SCML4: variants seen among roughly 807,000 people sequenced by gnomAD.
The protein encoded by SCML4 is sex comb on midleg-like protein 4.
A neutral mutation model predicts 41.1 loss-of-function variants in SCML4; 34 were observed. That is an observed-to-expected ratio of 0.83 (90% CI 0.63 to 1.10). The LOEUF (loss-of-function observed/expected upper bound fraction) is 1.10, where lower values mean the gene tolerates loss of function less well. Ranked by LOEUF, SCML4 falls within the 50% of genes least tolerant of loss-of-function variation. The probability of loss-of-function intolerance (pLI) is 0.00; values close to 1 mark genes in which losing one functional copy is unlikely to be tolerated. For missense variants in SCML4, 522 were observed against 534.1 expected (o/e 0.98, Z 0.22); for synonymous variants, 214 against 220.9 (o/e 0.97, Z 0.28).
rs748183780 is a variant in SCML4, at chr6:107,749,804, G to A, written c.166C>T (p.Arg56Trp). The change falls in exon 3 of 8, where the codon CGG (arginine) becomes TGG (tryptophan). Residue 56 changes from arginine (R) to tryptophan (W), a missense_variant. Transcript: ENST00000369020. Reference sequence around the variant, plus strand: ...AGGGCTAAGGGAGTCATGAGAACCCGAGACTTGATCTGGAAGAGAGAGCCC... The same window carrying A: ...AGGGCTAAGGGAGTCATGAGAACCCAAGACTTGATCTGGAAGAGAGAGCCC... ...GRKPGYKIKSRVLMTPLALSP... is the reference protein window; with the variant it reads ...GRKPGYKIKSWVLMTPLALSP... The A allele has an allele frequency of 1.2e-5, 20 of 1,613,924 alleles. No individual in the cohort carries two copies. Among genetic ancestry groups the A allele is most frequent in the Admixed American group, 5.0e-5 (3 of 59,994 alleles).
In SCML4 at chr6:107,801,928, C is replaced by A. The variant is rs1255885755; in HGVS notation, c.-60+22198G>T. Among the ~76,000 whole-genome samples the A allele has an allele frequency of 5.5e-5, 8 of 144,736 alleles. No homozygotes were observed. The East Asian group carries it at 1.5e-3, about 28-fold the overall frequency. 95.0% of individuals were successfully genotyped at this position (144,736 alleles called of 152,430 possible). ...TACAGACACCCGCTACCACACCTGG[C>A]TAATTTTTTTTTTTTTGTATTTTTA... On this transcript the variant is annotated intron_variant, in intron 1 of 7. Coordinates refer to ENST00000369020, the MANE Select transcript of SCML4 (RefSeq NM_198081.5).
rs766109526 is a variant in SCML4 at position 107,749,726 on chromosome 6, C to T, written c.244G>A (p.Ala82Thr). 6.2e-6 allele frequency: 10 copies of T among 1,613,792 alleles called. No individual in the cohort carries two copies. Among genetic ancestry groups the T allele is most frequent in the Non-Finnish European group, 8.5e-6 (10 of 1,179,974 alleles). Residue 82 changes from alanine to threonine, a missense_variant, in exon 3 of 8, where the codon GCA (alanine) becomes ACA (threonine). By Grantham distance (58) the Ala-to-Thr change is moderately conservative. Transcript: ENST00000369020. ...GCCGCCAAGCTGGGGACCGTGGCTG[C>T]GTCCTGAGGGATGGAGCTGAGGTCG... ...EPDLSSIPQD[A>T]ATVPSLAAPQ...
chr6:107,808,825 ATAAT>A (rs1289177398), intron 1 of SCML4, among the ~76,000 whole-genome samples: 4 of 152,242 alleles, frequency 2.6e-5, no homozygotes, highest in Admixed American at 6.5e-5. Context: ...GAATATTTTA[ATAAT>A]TAAGTAATTA....
chr6:107,731,625 G>A (rs958628837), intron 5 of SCML4, among the ~76,000 whole-genome samples: 15 of 152,182 alleles, frequency 9.9e-5, no homozygotes, highest in South Asian at 4.1e-4. Flanking sequence ...CCCCTTTGCC[G>A]GTCTGCCCAG....
intron 1 of SCML4, among the ~76,000 whole-genome samples, chr6:107,817,620 C>CAAAAAAAAAAAAA (rs35621962): frequency 6.5e-5 from 3 of 45,996 alleles, no homozygotes; most frequent in African/African-American, 4.2e-4. Context: ...GACTTCATCT[C>CAAAAAAAAAAAAA]AAAAAAAAAA....
chr6:107,821,509 T>C (rs773173320), intron 1 of SCML4, among the ~76,000 whole-genome samples: 1 of 152,208 alleles, frequency 6.6e-6, no homozygotes, highest in Non-Finnish European at 1.5e-5. Flanking sequence ...CACAAAATGT[T>C]AGACAAGATT....
At chr6:107,793,565 T>C (rs6909578) in intron 1 of SCML4, among the ~76,000 whole-genome samples, 12,941 of 152,250 alleles carry the variant, frequency 0.085, 1,673 homozygotes, top group African/African-American at 0.28. Flanking sequence ...TTCTGTCGCT[T>C]CTTTATAAGG....
rs1413280868 is a variant in SCML4, at chr6:107,778,918, C to T, written c.-59-6532G>A. Among the ~76,000 whole-genome samples the T allele has an allele frequency of 5.8e-4, 89 of 152,200 alleles. 2 individuals are homozygous for T. The highest frequency in any genetic ancestry group is 5.8e-3 in the Admixed American group (89 of 15,280). On this transcript the variant is annotated intron_variant, in intron 1 of 7. Transcript: ENST00000369020. ...CATCCCGGCCGGGCGCGGTGGCTCACGCCTGTAATCCCAGCGCTTTGGGAG... is the reference window on the plus strand; with the variant it reads ...CATCCCGGCCGGGCGCGGTGGCTCATGCCTGTAATCCCAGCGCTTTGGGAG...
At chr6:107,747,023 T>C in intron 3 of SCML4, 134 bp from the exon 4 acceptor site, 1 of 667,784 alleles carries the variant, frequency 1.5e-6, no homozygotes. Context: ...AGGGCAAAAG[T>C]GGGGTGGATT....
chr6:107,757,145 T>C (rs928690895), intron 2 of SCML4, among the ~76,000 whole-genome samples: 2 of 152,214 alleles, frequency 1.3e-5, no homozygotes, highest in African/African-American at 2.4e-5. Context: ...AGCTCATCTT[T>C]CTTTTCCATT....
the SCML4 span, among the ~76,000 whole-genome samples, chr6:107,830,321 C>T: frequency 6.6e-6 from 1 of 152,156 alleles, no homozygotes; most frequent in Non-Finnish European, 1.5e-5. Context: ...GGCCTGTGAC[C>T]CTGGCTGATA....
At chr6:107,787,165 G>C (rs960944538) in intron 1 of SCML4, among the ~76,000 whole-genome samples, 1 of 152,180 alleles carries the variant, frequency 6.6e-6, no homozygotes, top group Non-Finnish European at 1.5e-5. Flanking sequence ...GTCTCTATAG[G>C]ATATAAAGAA....
intron 1 of SCML4, among the ~76,000 whole-genome samples, chr6:107,779,836 G>C (rs1781340665): frequency 6.6e-6 from 1 of 152,184 alleles, no homozygotes; most frequent in Non-Finnish European, 1.5e-5. Context: ...CCATTTCCAA[G>C]GTGGCTCAAA....
At chr6:107,839,182 A>G in the SCML4 span, among the ~76,000 whole-genome samples, 2 of 151,942 alleles carry the variant, frequency 1.3e-5, no homozygotes, top group Non-Finnish European at 2.9e-5. Flanking sequence ...AGTCTCACCT[A>G]TTCGGGAGGT....
chr6:107,764,055 G>C (rs1264539727), intron 2 of SCML4, among the ~76,000 whole-genome samples: 1 of 152,190 alleles, frequency 6.6e-6, no homozygotes, highest in Non-Finnish European at 1.5e-5. Context: ...TGCTCCAGGG[G>C]AACAAAGTTA....
intron 1 of SCML4, among the ~76,000 whole-genome samples, chr6:107,804,049 C>CAA (rs1206492732): frequency 2.1e-4 from 17 of 79,364 alleles, no homozygotes; most frequent in African/African-American, 5.9e-4. Flanking sequence ...TGATCAATAA[C>CAA]AAAAAAAAAA....
chr6:107,814,015 TC>T (rs1358811461), intron 1 of SCML4, among the ~76,000 whole-genome samples: 1 of 152,186 alleles, frequency 6.6e-6, no homozygotes, highest in Non-Finnish European at 1.5e-5. Flanking sequence ...GACTCAGGGT[TC>T]CAAGAGCTAG....
At chr6:107,780,176 A>G (rs1412889536) in intron 1 of SCML4, among the ~76,000 whole-genome samples, 1 of 152,194 alleles carries the variant, frequency 6.6e-6, no homozygotes, top group Admixed American at 6.5e-5. Context: ...TGTATTTTAA[A>G]TCTTTGGATA....
rs1158773349 is a variant in SCML4, at chr6:107,707,944, A to G, written c.1041T>C (p.Thr347=). ...TCACAAACCACACCACGTCCTCCAC[A>G]GTCCAGGCGGAGGGGTTCCTGCTCC... is the stretch of plus-strand genomic sequence containing the variant. ...RPRSRNPSAW[T]VEDVVWFVKD... is the part of the protein sequence containing the mutation. Residue 347 remains threonine, a synonymous_variant, in exon 7 of 8, where the codon ACT becomes ACC. Coordinates refer to ENST00000369020, the MANE Select transcript of SCML4 (RefSeq NM_198081.5). The G allele has an allele frequency of 2.6e-6, 4 of 1,551,632 alleles. No individual in the cohort carries two copies. Among genetic ancestry groups the G allele is most frequent in the East Asian group, 4.9e-5 (2 of 40,886 alleles).
Sources: allele counts gnomAD v4.1 joint callset (sites outside exome capture counted in the v4.1 genomes callset), GRCh38; gene constraint gnomAD v4.1.1; transcripts MANE v1.5; gene names NCBI Gene and HGNC (gene_info 2026-07-23, HGNC 2026-07-21).